CLEC6A: variants seen among roughly 807,000 people sequenced by gnomAD.
The protein encoded by CLEC6A is C-type lectin domain containing 6A, also known as C-type lectin domain family 6 member A.
Under a neutral mutation model 25.7 loss-of-function variants are expected in CLEC6A, and 22 were observed. The observed-to-expected ratio is 0.85, with a 90% CI of 0.61 to 1.22. The LOEUF (loss-of-function observed/expected upper bound fraction) is 1.22, where lower values mean the gene tolerates loss of function less well. Ranked by LOEUF, CLEC6A falls within the 50% of genes most tolerant of loss-of-function variation. The pLI is 0.00. For missense variants in CLEC6A, 240 were observed against 236.8 expected (o/e 1.01, Z -0.09); for synonymous variants, 92 against 76.7 (o/e 1.20, Z -1.04).
At chr12:8,458,452 A>G (rs10743393) in intron 2 of CLEC6A, among the ~76,000 whole-genome samples, 112,195 of 152,020 alleles carry the variant, frequency 0.74, 42,097 homozygotes, top group East Asian at 0.99. Flanking sequence ...AGGATAAAAT[A>G]TTTCTTCCCT....
rs1939670221 is a variant in CLEC6A at position 8,455,996 on chromosome 12, T to C, written c.-116T>C. On this transcript the variant is annotated 5_prime_UTR_variant, in exon 1 of 6. Coordinates refer to ENST00000382073, the MANE Select transcript of CLEC6A (RefSeq NM_001007033.2). ...AGTCTCTTAGTCCTATAAGAGTGTG[T>C]AGCAGTTTGTCCCTGAGCTCTAGCT... 1 of 864,298 alleles carries C rather than the reference T, an allele frequency of 1.2e-6. No individual in the cohort carries two copies. The highest frequency in any genetic ancestry group is 1.9e-6 in the Non-Finnish European group (1 of 518,952). 53.5% of individuals were successfully genotyped at this position (864,298 alleles called of 1,614,324 possible).
intron 3 of CLEC6A, among the ~76,000 whole-genome samples, chr12:8,461,606 G>T (rs1460424955): frequency 6.6e-6 from 1 of 152,150 alleles, no homozygotes; most frequent in African/African-American, 2.4e-5. Flanking sequence ...CAATTATTTT[G>T]TATAATACCA....
At chr12:8,476,440 A>T (rs945104277) in intron 5 of CLEC6A, among the ~76,000 whole-genome samples, 200 bp downstream of exon 5, 3 of 152,124 alleles carry the variant, frequency 2.0e-5, no homozygotes, top group Non-Finnish European at 4.4e-5. Context: ...AAATTAAATA[A>T]CTTGCCCCAA....
chr12:8,461,087 A>G lies in CLEC6A; in HGVS notation c.223+1389A>G, dbSNP rs1591706190. The G allele has an allele frequency of 1.9e-6, 3 of 1,596,160 alleles. No individual in the cohort carries two copies. The East Asian group carries it at 6.7e-5, about 36-fold the overall frequency. On this transcript the variant is annotated intron_variant, in intron 3 of 5. Transcript: ENST00000382073. ...CAGTGGATCACCAAACCAGTCCACA[A>G]GCACAGGGAGATGTGTGGGCTGACA...
Position 8,459,673 on chromosome 12 carries a change from C to T in CLEC6A, c.198C>T (p.Cys66=), listed in dbSNP as rs763216958. The T allele has an allele frequency of 3.1e-6, 5 of 1,612,312 alleles. No homozygotes were observed. The highest frequency in any genetic ancestry group is 4.2e-6 in the Non-Finnish European group (5 of 1,178,350). ...ELHSYHSSLT[C]FSEGTKVPAW... is the part of the protein sequence containing the mutation. Reference sequence around the variant, plus strand: ...ACTCATATCATTCAAGTCTCACCTGCTTCAGTGAAGGGACAAAGGTGCCAG... The same window carrying T: ...ACTCATATCATTCAAGTCTCACCTGTTTCAGTGAAGGGACAAAGGTGCCAG... The change falls in exon 3 of 6, where the codon TGC becomes TGT. Residue 66 remains cysteine, a synonymous_variant. Transcript: ENST00000382073.
chr12:8,466,877 C>T lies in CLEC6A; in HGVS notation c.369+1248C>T, dbSNP rs2136361713. 1.3e-5 allele frequency among the ~76,000 whole-genome samples: 2 copies of T among 152,284 alleles called. 1 individual carries two copies. The highest frequency in any genetic ancestry group is 4.1e-4 in the South Asian group (2 of 4,832). ...CCATCTTGGTCAGGCTGGTCTTGAA[C>T]TCCTGACCTCGTGATCCACCTGCCT... On this transcript the variant is annotated intron_variant, in intron 4 of 5. Coordinates refer to ENST00000382073, the MANE Select transcript of CLEC6A (RefSeq NM_001007033.2).
In CLEC6A at chr12:8,459,603, A is replaced by T; in HGVS notation, c.128A>T (p.Tyr43Phe). ...ACFIVSCVVT[Y>F]HFTYGETGKR... ...CCTTCTTCTTCCTTTACAGTAACTT[A>T]CCATTTTACATATGGTGAAACTGGC... The change falls in exon 3 of 6, where the codon TAC becomes TTC. Residue 43 changes from tyrosine (Y) to phenylalanine (F), a missense_variant. Transcript: ENST00000382073. The T allele has an allele frequency of 6.3e-7, 1 of 1,596,206 alleles. No homozygotes were observed. The highest frequency in any genetic ancestry group is 8.6e-7 in the Non-Finnish European group (1 of 1,163,652).
At chr12:8,460,981 G>T in intron 3 of CLEC6A, 1 of 1,080,022 alleles carries the variant, frequency 9.3e-7, no homozygotes, top group Non-Finnish European at 1.4e-6. Flanking sequence ...TTACTGCGTT[G>T]GTGAAGATTC....
At chr12:8,474,379 C>T (rs1939943801) in intron 4 of CLEC6A, among the ~76,000 whole-genome samples, 1 of 152,080 alleles carries the variant, frequency 6.6e-6, no homozygotes, top group Admixed American at 6.6e-5. Context: ...CAGATGGCTA[C>T]AGATGTTTGG....
At chr12:8,476,732 T>C (rs920979426) in intron 5 of CLEC6A, among the ~76,000 whole-genome samples, 2 of 152,098 alleles carry the variant, frequency 1.3e-5, no homozygotes, top group Non-Finnish European at 2.9e-5. Context: ...AGGGACCTTA[T>C]TATAATTCCC....
chr12:8,466,444 T>C (rs1036521494), intron 4 of CLEC6A, among the ~76,000 whole-genome samples: 1 of 152,208 alleles, frequency 6.6e-6, no homozygotes, highest in African/African-American at 2.4e-5. Context: ...CTATTTTTAA[T>C]TTTTTGAGGA....
rs1056705473 is a variant in CLEC6A at position 8,471,472 on chromosome 12, T to A, written c.370-4653T>A. Reference sequence around the variant, plus strand: ...GATTAATTTCCCTACTAGTTATTGATCTATTCAGATTTTTATTTCTTTATC... The same window carrying A: ...GATTAATTTCCCTACTAGTTATTGAACTATTCAGATTTTTATTTCTTTATC... On this transcript the variant is annotated intron_variant, in intron 4 of 5. Coordinates refer to ENST00000382073, the MANE Select transcript of CLEC6A (RefSeq NM_001007033.2). Among the ~76,000 whole-genome samples, 6 of 152,082 alleles carry A rather than the reference T, an allele frequency of 3.9e-5. No individual in the cohort carries two copies. The East Asian group carries it at 1.2e-3, about 29-fold the overall frequency.
chr12:8,461,749 G>A (rs980323170), intron 3 of CLEC6A, among the ~76,000 whole-genome samples: 52 of 152,156 alleles, frequency 3.4e-4, no homozygotes, highest in African/African-American at 1.2e-3. Context: ...AATCCACATT[G>A]TATCTTCTTC....
chr12:8,457,312 A>G (rs1220053392), intron 1 of CLEC6A, among the ~76,000 whole-genome samples: 1 of 152,216 alleles, frequency 6.6e-6, no homozygotes, highest in Non-Finnish European at 1.5e-5. Context: ...CATATGAGTC[A>G]GAATATGCAA....
Position 8,459,583 on chromosome 12 carries a change from T to A in CLEC6A, c.122-14T>A. ...AATAATAGATGGACACTAATCCTTC[T>A]TCTTCCTTTACAGTAACTTACCATT... is the stretch of plus-strand genomic sequence containing the variant. On this transcript the variant is annotated splice_polypyrimidine_tract_variant and intron_variant, in intron 2 of 5. Transcript: ENST00000382073. 1 of 1,519,522 alleles carries A rather than the reference T, an allele frequency of 6.6e-7. No homozygotes were observed. The highest frequency in any genetic ancestry group is 9.1e-7 in the Non-Finnish European group (1 of 1,093,636). The allele number at this position is 1,519,522 out of a possible 1,614,324, so 94.1% of individuals were successfully genotyped here. A position where few individuals can be genotyped will look rare whatever the true frequency, so the allele number is the denominator to read the frequency against.
chr12:8,477,520 G>A lies in CLEC6A; in HGVS notation c.*56G>A, dbSNP rs960585984. 12 of 1,410,994 alleles carry A rather than the reference G, an allele frequency of 8.5e-6. No individual in the cohort carries two copies. Among genetic ancestry groups the A allele is most frequent in the East Asian group, 7.2e-5 (3 of 41,804 alleles). 87.4% of individuals were successfully genotyped at this position (1,410,994 alleles called of 1,614,324 possible). A position where few individuals can be genotyped will look rare whatever the true frequency, so the allele number is the denominator to read the frequency against. ...TTACTGACGTAATTTTTTCCCTGACGTCTTTAAAATTGAACCCTATCATGA... is the reference window on the plus strand; with the variant it reads ...TTACTGACGTAATTTTTTCCCTGACATCTTTAAAATTGAACCCTATCATGA... On this transcript the variant is annotated 3_prime_UTR_variant, in exon 6 of 6. Coordinates refer to ENST00000382073, the MANE Select transcript of CLEC6A (RefSeq NM_001007033.2).
In CLEC6A at chr12:8,456,115, A is replaced by G; in HGVS notation, c.4A>G (p.Met2Val). The change falls in exon 1 of 6, where the codon ATG becomes GTG. Residue 2 changes from methionine to valine, a missense_variant. Transcript: ENST00000382073. ...CTCAACACAGGGAGCCTGCATAATG[A>G]TGCAAGAGCAGCAACCTCAAAGTAC... The part of the protein sequence containing the change: M[M>V]QEQQPQSTEK... The G allele has an allele frequency of 2.5e-6, 4 of 1,613,948 alleles. No individual in the cohort carries two copies. Among genetic ancestry groups the G allele is most frequent in the Non-Finnish European group, 3.4e-6 (4 of 1,179,882 alleles).
chr12:8,477,055 G>A (rs753499229), intron 5 of CLEC6A, among the ~76,000 whole-genome samples: 2 of 152,066 alleles, frequency 1.3e-5, no homozygotes, highest in Non-Finnish European at 2.9e-5. Flanking sequence ...CAGCATAAAG[G>A]CTCTGTAAAG....
intron 3 of CLEC6A, among the ~76,000 whole-genome samples, chr12:8,463,557 G>A (rs1006153569): frequency 1.3e-5 from 2 of 152,074 alleles, no homozygotes; most frequent in African/African-American, 4.8e-5. Context: ...TGCTTATGAC[G>A]ATATAGTGAT....
Sources: allele counts gnomAD v4.1 joint callset (sites outside exome capture counted in the v4.1 genomes callset), GRCh38; gene constraint gnomAD v4.1.1; transcripts MANE v1.5; gene names NCBI Gene and HGNC (gene_info 2026-07-23, HGNC 2026-07-21).